Variants in TRPM5 observed in about 807,000 individuals in gnomAD.
The protein encoded by TRPM5 is transient receptor potential cation channel subfamily M member 5.
TRPM5 carries 121 observed loss-of-function variants against 124.9 expected under a neutral mutation model. The observed-to-expected ratio is 0.97, with a 90% CI of 0.84 to 1.13. TRPM5 has a LOEUF of 1.13. Ranked by LOEUF, TRPM5 falls within the 50% of genes most tolerant of loss-of-function variation. The pLI, the probability that TRPM5 is intolerant of heterozygous loss-of-function variation, is 0.00. For missense variants in TRPM5, 1,643 were observed against 1,589.1 expected (o/e 1.03, Z -0.58); for synonymous variants, 781 against 700.5 (o/e 1.11, Z -1.81).
At chr11:2,409,130 G>A (rs553031238) in intron 18 of TRPM5, among the ~76,000 whole-genome samples, 101 of 152,254 alleles carry the variant, frequency 6.6e-4, no homozygotes, top group African/African-American at 2.1e-3. Context: ...TTAGTGTGAC[G>A]CGTTGGCCCG....
chr11:2,405,348 G>A (rs1383732441), intron 23 of TRPM5, among the ~76,000 whole-genome samples, 179 bp downstream of exon 28: 1 of 152,234 alleles, frequency 6.6e-6, no homozygotes, highest in Non-Finnish European at 1.5e-5. Context: ...CCTGGCCAAG[G>A]CAGGGACTCC....
intron 12 of TRPM5, 47 bp downstream of exon 17, chr11:2,414,014 C>CCCCCCCCCCCCCCCCCCCCCCCAACCA: frequency 1.9e-6 from 1 of 533,206 alleles, no homozygotes; most frequent in East Asian, 5.6e-5. Context: ...AGCTCGCCCG[C>CCCCCCCCCCCCCCCCCCCCCCCAACCA]CCACCCCACC....
chr11:2,430,292 C>CT, the TRPM5 span, among the ~76,000 whole-genome samples: 1 of 152,218 alleles, frequency 6.6e-6, no homozygotes, highest in East Asian at 1.9e-4. Flanking sequence ...TCACTCCATC[C>CT]TGCTGCCCTG....
At chr11:2,407,664 C>A in intron 19 of TRPM5, 95 bp downstream of exon 24, 1 of 1,494,114 alleles carries the variant, frequency 6.7e-7, no homozygotes, top group Non-Finnish European at 9.2e-7. Flanking sequence ...CCCTCTGCAG[C>A]ACACCAGGTG....
Position 2,407,932 on chromosome 11 carries a change from T to A in TRPM5, c.2783-20A>T, listed in dbSNP as rs901161944. On this transcript the variant is annotated intron_variant, in intron 18 of 23. Transcript: ENST00000155858. ...GGGCTTCTGGAAAGCAAGGGTGCTG[T>A]GGGGACCAGACCGGGGGCAGCCACA... 6.2e-7 allele frequency: 1 copy of A among 1,611,374 alleles called. No individual in the cohort carries two copies. The highest frequency in any genetic ancestry group is 1.3e-5 in the African/African-American group (1 of 75,002).
exon 18 of TRPM5, chr11:2,411,466 T>C: frequency 1.2e-6 from 2 of 1,611,802 alleles, no homozygotes; most frequent in Non-Finnish European, 1.7e-6. Context: ...GCCTGGGTGG[T>C]GACACCGTAG....
chr11:2,416,370 A>T (rs915417422), intron 7 of TRPM5, among the ~76,000 whole-genome samples: 4 of 151,918 alleles, frequency 2.6e-5, no homozygotes, highest in African/African-American at 9.7e-5. Context: ...TTGTCGGGGG[A>T]GCAAGCTGGG....
At chr11:2,417,235 A>T (rs1055658557) in intron 7 of TRPM5, among the ~76,000 whole-genome samples, 2 of 152,186 alleles carry the variant, frequency 1.3e-5, no homozygotes, top group Non-Finnish European at 2.9e-5. Flanking sequence ...GCGGATCACG[A>T]GGTCAGGAGA....
chr11:2,411,789 C>G (rs777449131), intron 16 of TRPM5, 22 bp from the exon 22 acceptor site: 7 of 1,610,942 alleles, frequency 4.3e-6, no homozygotes, highest in Non-Finnish European at 5.9e-6. Flanking sequence ...GAGGCTGATG[C>G]GGCTGCGGGG....
chr11:2,408,979 C>T (rs61873461), intron 18 of TRPM5, among the ~76,000 whole-genome samples: 9,703 of 152,290 alleles, frequency 0.064, 408 homozygotes, highest in South Asian at 0.12. Flanking sequence ...TATCTTAGTG[C>T]CTGCCAGCTC....
At chr11:2,423,012 G>T in exon 1 of TRPM5, 2 of 1,612,406 alleles carry the variant, frequency 1.2e-6, no homozygotes, top group Non-Finnish European at 1.7e-6. Flanking sequence ...GGGCTTCCGG[G>T]ACGGGGGCCT....
At chr11:2,408,313 AG>A (rs1850366573) in intron 18 of TRPM5, among the ~76,000 whole-genome samples, 1 of 152,092 alleles carries the variant, frequency 6.6e-6, no homozygotes, top group African/African-American at 2.4e-5. Flanking sequence ...CTCCGAAAAA[AG>A]CCTCTGCTGT....
In TRPM5 at chr11:2,422,544, C is replaced by T. The variant is rs117976316; in HGVS notation, c.118-223G>A. Among the ~76,000 whole-genome samples the T allele has an allele frequency of 2.6e-3, 400 of 152,100 alleles. 1 individual carries two copies. The highest frequency in any genetic ancestry group is 4.3e-3 in the Non-Finnish European group (293 of 67,960). On this transcript the variant is annotated intron_variant, in intron 1 of 23. Transcript: ENST00000155858. ...AGGAGGAGAGTGGCCCCCAATATCC[C>T]TTCTGGGACAGGGCCAGTCCTCCCT... is the stretch of plus-strand genomic sequence containing the variant.
At chr11:2,435,096 G>A in the TRPM5 span, among the ~76,000 whole-genome samples, 34 of 152,200 alleles carry the variant, frequency 2.2e-4, no homozygotes, top group East Asian at 4.8e-3. This position sits in a 1 kb window ranked among gnomAD's most constrained non-coding sequence, Gnocchi z 4.1. Context: ...CACCACAGCC[G>A]GCCTGGGGAG....
At chr11:2,417,772 C>T in exon 7 of TRPM5, 1 of 1,602,422 alleles carries the variant, frequency 6.2e-7, no homozygotes, top group South Asian at 1.1e-5. Context: ...TCCTCGGAGC[C>T]CTCCTGCTCG....
chr11:2,425,652 C>CTCACCCTGGGCGGGGGTCT (rs2133540749), upstream of TRPM5, among the ~76,000 whole-genome samples: 1 of 152,322 alleles, frequency 6.6e-6, no homozygotes, highest in Non-Finnish European at 1.5e-5. Context: ...GGCGGGGGTC[C>CTCACCCTGGGCGGGGGTCT]TCAGGCTGGC....
At chr11:2,430,634 G>A in the TRPM5 span, among the ~76,000 whole-genome samples, 1 of 151,884 alleles carries the variant, frequency 6.6e-6, no homozygotes, top group African/African-American at 2.4e-5. Flanking sequence ...TGGCAGTGAT[G>A]AGGGTGGTGG....
chr11:2,405,417 C>A, intron 23 of TRPM5, 110 bp downstream of exon 28: 1 of 1,195,820 alleles, frequency 8.4e-7, no homozygotes, highest in Non-Finnish European at 1.2e-6. Flanking sequence ...TCCTGAGACT[C>A]CCGGGCCAGG....
chr11:2,429,679 T>C, the TRPM5 span, among the ~76,000 whole-genome samples: 1 of 151,684 alleles, frequency 6.6e-6, no homozygotes, highest in African/African-American at 2.4e-5. The surrounding 1 kb of genome is among the most constrained non-coding windows in gnomAD (Gnocchi z 8.4). Context: ...GATGTAGTGG[T>C]GGGGATGGTT....
Sources: allele counts gnomAD v4.1 joint callset (sites outside exome capture counted in the v4.1 genomes callset), GRCh38; gene constraint gnomAD v4.1.1; non-coding constraint Gnocchi (gnomAD v3.1); transcripts MANE v1.5; gene names NCBI Gene and HGNC (gene_info 2026-07-23, HGNC 2026-07-21).